Variants in HNF4A observed in about 807,000 individuals in gnomAD.
HNF4A encodes hepatocyte nuclear factor 4-alpha.
In HNF4A, 15 loss-of-function variants were observed where a neutral mutation model predicts 52.4. The observed-to-expected ratio is 0.29, with a 90% confidence interval of 0.19 to 0.44. The LOEUF (loss-of-function observed/expected upper bound fraction) is 0.44. HNF4A is among the 20% of genes least tolerant of loss of function. The probability of loss-of-function intolerance (pLI) is 1.00; values close to 1 mark genes in which losing one functional copy is unlikely to be tolerated. For missense variants in HNF4A, 479 were observed against 647.2 expected (o/e 0.74, Z 2.82); for synonymous variants, 280 against 264.4 (o/e 1.06, Z -0.57).
In HNF4A at chr20:44,355,759, C is replaced by A. The variant is rs764879208; in HGVS notation, c.-46C>A. On this transcript the variant is annotated 5_prime_UTR_variant, in exon 1 of 10. Transcript: ENST00000316673. The stretch of plus-strand genomic sequence containing the variant: ...GGCTGTGCTGCTGCTGTGAGCGGGC[C>A]CCTGCTCCTCCATGCCCCCAGCTCT... The A allele has an allele frequency of 3.8e-6, 6 of 1,591,896 alleles. No individual in the cohort carries two copies. The highest frequency in any genetic ancestry group is 5.2e-6 in the Non-Finnish European group (6 of 1,161,052).
At chr20:44,425,086 A>G (rs1054265646) in intron 8 of HNF4A, among the ~76,000 whole-genome samples, 4 of 152,144 alleles carry the variant, frequency 2.6e-5, no homozygotes, top group African/African-American at 4.8e-5. Context: ...AGTTCAAGCA[A>G]TTCTCCTGCC....
intron 1 of HNF4A, among the ~76,000 whole-genome samples, chr20:44,362,843 CTT>C (rs773479711): frequency 8.9e-5 from 12 of 134,454 alleles, no homozygotes; most frequent in Non-Finnish European, 8.2e-5. Flanking sequence ...ACTCAATTCT[CTT>C]TTTTTTTTTT....
intron 8 of HNF4A, 169 bp downstream of exon 8, chr20:44,424,423 G>A: frequency 1.6e-6 from 2 of 1,214,434 alleles, no homozygotes; most frequent in Non-Finnish European, 2.4e-6. Flanking sequence ...TGGGAACAAG[G>A]CAATGGTCTA....
chr20:44,368,160 A>ATTTTTTTTTTTT lies in HNF4A; in HGVS notation c.49+12320_49+12331dup, dbSNP rs1181828023. On this transcript the variant is annotated intron_variant, in intron 1 of 9. Transcript: ENST00000316673. Reference sequence around the variant, plus strand: ...TATATACATATATATATATATATATATTTTTTTTTTTTTTTTTTTTTTTTG... The same window carrying ATTTTTTTTTTTT: ...TATATACATATATATATATATATATATTTTTTTTTTTTTTTTTTTTTTTTTTTTTTTTTTTTG... 1.9e-3 allele frequency among the ~76,000 whole-genome samples: 53 copies of ATTTTTTTTTTTT among 27,780 alleles called. 11 individuals carry two copies. The highest frequency in any genetic ancestry group is 0.015 in the Admixed American group (18 of 1,170). 18.2% of individuals were successfully genotyped at this position (27,780 alleles called of 152,430 possible). A position where few individuals can be genotyped will look rare whatever the true frequency, so the allele number is the denominator to read the frequency against.
intron 5 of HNF4A, among the ~76,000 whole-genome samples, chr20:44,415,227 T>C (rs1163478593): frequency 1.1e-4 from 17 of 152,184 alleles, no homozygotes. Context: ...CATTGGTGTC[T>C]GAAAAGTACA....
chr20:44,403,091 G>A (rs953791779), intron 1 of HNF4A, among the ~76,000 whole-genome samples: 1 of 152,218 alleles, frequency 6.6e-6, no homozygotes, highest in Non-Finnish European at 1.5e-5. Context: ...GCTGCACTAG[G>A]TGGAGTGTTG....
intron 1 of HNF4A, among the ~76,000 whole-genome samples, chr20:44,404,528 G>A (rs1045433566): frequency 6.6e-6 from 1 of 151,818 alleles, no homozygotes; most frequent in Non-Finnish European, 1.5e-5. Flanking sequence ...GCATGTGTGT[G>A]TGGACTGTGT....
chr20:44,384,856 C>T (rs572304097), intron 1 of HNF4A, among the ~76,000 whole-genome samples: 1 of 152,054 alleles, frequency 6.6e-6, no homozygotes. Context: ...ATTTGTCTGA[C>T]GTAGATCATG....
chr20:44,377,449 T>C (rs775187785), intron 1 of HNF4A, among the ~76,000 whole-genome samples: 3 of 151,968 alleles, frequency 2.0e-5, no homozygotes, highest in Non-Finnish European at 2.9e-5. Context: ...AAAGTTGAAA[T>C]AACGGGCCAG....
rs1555813319 is a variant in HNF4A, at chr20:44,406,208, G to A, written c.266G>A (p.Arg89Gln). The A allele has an allele frequency of 2.5e-6, 4 of 1,613,666 alleles. No homozygotes were observed. The highest frequency in any genetic ancestry group is 1.3e-5 in the African/African-American group (1 of 75,016). ...AAGGGCTTCTTCCGGAGGAGCGTGCGGAAGAACCACATGTACTCCTGCAGG... is the reference window on the plus strand; with the variant it reads ...AAGGGCTTCTTCCGGAGGAGCGTGCAGAAGAACCACATGTACTCCTGCAGG... The change falls in exon 2 of 10, where the codon CGG becomes CAG. Residue 89 changes from arginine (R) to glutamine (Q), a missense_variant. By Grantham distance (43) the Arg-to-Gln change is conservative. Coordinates refer to ENST00000316099, the MANE Select transcript of HNF4A (RefSeq NM_000457.6).
chr20:44,378,917 T>G (rs1274469117), intron 1 of HNF4A, among the ~76,000 whole-genome samples: 5 of 49,284 alleles, frequency 1.0e-4, no homozygotes, highest in Non-Finnish European at 1.6e-4. Context: ...AGACCCCGTC[T>G]CAAAAAAAAA....
At chr20:44,412,683 A>G (rs2063603020) in intron 3 of HNF4A, among the ~76,000 whole-genome samples, 1 of 152,128 alleles carries the variant, frequency 6.6e-6, no homozygotes, top group Non-Finnish European at 1.5e-5. Context: ...AGGCTGATCT[A>G]ATCCAGGAGA....
intron 1 of HNF4A, among the ~76,000 whole-genome samples, chr20:44,385,793 T>G (rs1012506635): frequency 3.3e-5 from 5 of 152,098 alleles, no homozygotes; most frequent in Non-Finnish European, 7.4e-5. Context: ...ATTTTCTTTT[T>G]TTTAATCTGA....
intron 1 of HNF4A, among the ~76,000 whole-genome samples, chr20:44,388,621 T>C (rs1158115734): frequency 6.6e-6 from 1 of 152,110 alleles, no homozygotes; most frequent in African/African-American, 2.4e-5. Flanking sequence ...GGGCCTGTGA[T>C]TGGCGGGATT....
At chr20:44,399,181 T>A (rs1369356398), upstream of HNF4A, among the ~76,000 whole-genome samples, 1 of 151,774 alleles carries the variant, frequency 6.6e-6, no homozygotes, top group Non-Finnish European at 1.5e-5. Flanking sequence ...CCGCCGGTAT[T>A]TGGTCTCTTT....
At chr20:44,414,362 C>T in intron 4 of HNF4A, 145 bp from the exon 5 acceptor site, 1 of 1,164,304 alleles carries the variant, frequency 8.6e-7, no homozygotes, top group Non-Finnish European at 1.3e-6. Context: ...TCCGTTTTTA[C>T]CCTGAGCTTC....
chr20:44,433,600 C>T (rs1325754254), downstream of HNF4A: 1 of 152,306 alleles, frequency 6.6e-6, no homozygotes, highest in Admixed American at 6.5e-5. Flanking sequence ...AAGATTGCTT[C>T]AGCCCAGGAG....
intron 5 of HNF4A, among the ~76,000 whole-genome samples, chr20:44,416,572 G>A (rs1001514894): frequency 6.6e-6 from 1 of 152,232 alleles, no homozygotes; most frequent in African/African-American, 2.4e-5. Context: ...ATGGAAAGTG[G>A]ATTTTCCCTC....
chr20:44,382,459 G>C (rs987073414), intron 1 of HNF4A, among the ~76,000 whole-genome samples: 1 of 151,926 alleles, frequency 6.6e-6, no homozygotes, highest in Non-Finnish European at 1.5e-5. Flanking sequence ...ACATGATCTC[G>C]ATCTCTTGAC....
Sources: gnomAD v4.1 joint callset for allele counts (sites outside exome capture counted in the v4.1 genomes callset) on GRCh38, gnomAD v4.1.1 for gene constraint, MANE v1.5 for transcripts, NCBI Gene and HGNC (gene_info 2026-07-23, HGNC 2026-07-21) for gene names.